The following RGS5 variants were observed in gnomAD, a reference collection of about 807,000 sequenced individuals.
The protein encoded by RGS5 is regulator of G-protein signalling 5.
In RGS5, 20 loss-of-function variants were observed where a neutral mutation model predicts 18.9. The observed-to-expected ratio is 1.06, with a 90% confidence interval of 0.74 to 1.54. The LOEUF is 1.54. Among genes scored for constraint, RGS5 ranks in the 40% most tolerant of loss-of-function variants. The pLI is 0.00. For synonymous variants in RGS5, 57 were observed against 76.2 expected, an observed-to-expected ratio of 0.75 and a Z score of 1.31; for missense variants, 201 against 211.8, an observed-to-expected ratio of 0.95 and a Z score of 0.32.
upstream of RGS5, among the ~76,000 whole-genome samples, chr1:163,207,500 T>A (rs1316665496): frequency 6.6e-6 from 1 of 152,210 alleles, no homozygotes; most frequent in East Asian, 1.9e-4. Flanking sequence ...CTTGCCAGGC[T>A]TTAATTTTTT....
chr1:163,176,346 G>T (rs539968502), intron 1 of RGS5, among the ~76,000 whole-genome samples: 3 of 152,182 alleles, frequency 2.0e-5, no homozygotes, highest in Non-Finnish European at 2.9e-5. Context: ...TGCAGGCCGG[G>T]TGCAGTGGCC....
chr1:163,170,285 T>C (rs368180334), intron 1 of RGS5, among the ~76,000 whole-genome samples: 1 of 152,242 alleles, frequency 6.6e-6, no homozygotes, highest in Non-Finnish European at 1.5e-5. Flanking sequence ...TCTTAAATAC[T>C]TTTTAACCCC....
At chr1:163,204,300 G>A (rs1659885269), upstream of RGS5, among the ~76,000 whole-genome samples, 1 of 146,814 alleles carries the variant, frequency 6.8e-6, no homozygotes, top group African/African-American at 2.6e-5. Flanking sequence ...TGAAAGCTGT[G>A]GCTCTAAACC....
chr1:163,188,248 C>T (rs1022944135), intron 1 of RGS5, among the ~76,000 whole-genome samples: 2 of 152,150 alleles, frequency 1.3e-5, no homozygotes, highest in Admixed American at 1.3e-4. Context: ...GCTAAACATA[C>T]AATCCCACGG....
chr1:163,143,046 T>A lies in RGS5; in HGVS notation c.*4296A>T, dbSNP rs1246216582. The A allele has an allele frequency of 6.6e-6, 1 of 152,348 alleles. No individual in the cohort carries two copies. The highest frequency in any genetic ancestry group is 1.5e-5 in the Non-Finnish European group (1 of 68,024). 9.4% of individuals were successfully genotyped at this position (152,348 alleles called of 1,614,324 possible). A position where few individuals can be genotyped will look rare whatever the true frequency, so the allele number is the denominator to read the frequency against. ...TTTCCATTCAAAGCCAGGAGTCTTT[T>A]CTCAGTTGGAAGAGTTGATCTTTTT... On this transcript the variant is annotated 3_prime_UTR_variant, in exon 5 of 5. Transcript: ENST00000313961.
intron 1 of RGS5, among the ~76,000 whole-genome samples, chr1:163,312,532 G>A (rs1285196176): frequency 6.6e-6 from 1 of 152,214 alleles, no homozygotes; most frequent in Non-Finnish European, 1.5e-5. Context: ...TGGAAAAGGA[G>A]CAAGGCGCAC....
At chr1:163,154,910 T>A (rs1051410473) in intron 3 of RGS5, among the ~76,000 whole-genome samples, 4 of 149,516 alleles carry the variant, frequency 2.7e-5, no homozygotes, top group African/African-American at 9.7e-5. Context: ...GATATAGTTT[T>A]TAATTGTAAA....
At chr1:163,251,996 T>C (rs1283947417) in intron 2 of RGS5, among the ~76,000 whole-genome samples, 1 of 152,204 alleles carries the variant, frequency 6.6e-6, no homozygotes, top group Non-Finnish European at 1.5e-5. Context: ...GGATGTATGT[T>C]TTCATTTTTC....
chr1:163,293,431 AACTC>A (rs1383613142), intron 2 of RGS5, among the ~76,000 whole-genome samples: 3 of 152,146 alleles, frequency 2.0e-5, no homozygotes, highest in African/African-American at 7.2e-5. Flanking sequence ...ATCTTGTGAG[AACTC>A]ACTATCATGA....
chr1:163,225,984 A>T (rs1647322491), intron 2 of RGS5, among the ~76,000 whole-genome samples: 1 of 151,732 alleles, frequency 6.6e-6, no homozygotes, highest in South Asian at 2.1e-4. Flanking sequence ...GCAATGGCGC[A>T]ATCTCGGCTC....
chr1:163,283,398 T>C (rs1649045881), intron 2 of RGS5, among the ~76,000 whole-genome samples: 1 of 152,206 alleles, frequency 6.6e-6, no homozygotes, highest in Non-Finnish European at 1.5e-5. Flanking sequence ...AATATCACTC[T>C]GCAGCCCATG....
intron 1 of RGS5, among the ~76,000 whole-genome samples, chr1:163,186,077 T>C (rs2102421403): frequency 1.2e-5 from 1 of 81,824 alleles, no homozygotes; most frequent in African/African-American, 3.1e-5. Flanking sequence ...AAAGGTCTTT[T>C]TTTTTTTTTT....
At chr1:163,248,999 T>A (rs1375045856) in intron 2 of RGS5, among the ~76,000 whole-genome samples, 1 of 152,186 alleles carries the variant, frequency 6.6e-6, no homozygotes, top group African/African-American at 2.4e-5. Context: ...AAAAGCCCTG[T>A]TCCTTCTTAT....
At chr1:163,153,232 T>C (rs1304201466) in intron 3 of RGS5, among the ~76,000 whole-genome samples, 1 of 152,168 alleles carries the variant, frequency 6.6e-6, no homozygotes, top group Admixed American at 6.6e-5. Context: ...CCAAGCACTA[T>C]GATTTAAGTC....
intron 2 of RGS5, among the ~76,000 whole-genome samples, chr1:163,162,184 C>A (rs1657828235): frequency 6.6e-6 from 1 of 152,154 alleles, no homozygotes; most frequent in African/African-American, 2.4e-5. Flanking sequence ...TGCATATCTT[C>A]ATCTTTTTTG....
At chr1:163,149,723 T>A (rs570608068) in intron 4 of RGS5, among the ~76,000 whole-genome samples, 3 of 152,326 alleles carry the variant, frequency 2.0e-5, no homozygotes, top group Non-Finnish European at 4.4e-5. Context: ...TCTCAGTCAG[T>A]TTCTTGTATT....
intron 3 of RGS5, among the ~76,000 whole-genome samples, chr1:163,155,530 G>A (rs1455604338): frequency 6.6e-6 from 1 of 151,992 alleles, no homozygotes; most frequent in Non-Finnish European, 1.5e-5. Flanking sequence ...ACTCTCTAGA[G>A]GGTCCCTCTA....
intron 1 of RGS5, among the ~76,000 whole-genome samples, chr1:163,200,103 C>T (rs905909875): frequency 6.6e-6 from 1 of 152,100 alleles, no homozygotes; most frequent in Non-Finnish European, 1.5e-5. Flanking sequence ...AACAATGAAT[C>T]CAACTTTTAC....
At chr1:163,282,195 G>A (rs1649012700) in intron 2 of RGS5, among the ~76,000 whole-genome samples, 3 of 152,134 alleles carry the variant, frequency 2.0e-5, no homozygotes, top group Middle Eastern at 3.4e-3. Context: ...TTTGACAAGC[G>A]ACTATCAATA....
Sources: gnomAD v4.1 joint callset for allele counts (sites outside exome capture counted in the v4.1 genomes callset) on GRCh38, gnomAD v4.1.1 for gene constraint, MANE v1.5 for transcripts, NCBI Gene and HGNC (gene_info 2026-07-23, HGNC 2026-07-21) for gene names.